The following LMNTD1 variants were observed in gnomAD, a reference collection of about 807,000 sequenced individuals.
LMNTD1 encodes the protein lamin tail domain-containing protein 1.
LMNTD1 carries 35 observed loss-of-function variants against 50.9 expected under a neutral mutation model. The ratio of observed to expected loss-of-function variants is 0.69; its 90% CI spans 0.53 to 0.91. LMNTD1 has a LOEUF of 0.91. Among genes scored for constraint, LMNTD1 ranks in the 40% least tolerant of loss-of-function variants. The probability of loss-of-function intolerance (pLI) is 0.00; values close to 1 mark genes in which losing one functional copy is unlikely to be tolerated. For missense variants in LMNTD1, 470 were observed against 475.5 expected, an observed-to-expected ratio of 0.99 and a Z score of 0.11; for synonymous variants, 153 against 161.9, an observed-to-expected ratio of 0.94 and a Z score of 0.42.
chr12:25,484,036 G>A (rs1271512036), intron 9 of LMNTD1, among the ~76,000 whole-genome samples: 1 of 151,820 alleles, frequency 6.6e-6, no homozygotes, highest in Admixed American at 6.6e-5. Context: ...AAAAAAACAA[G>A]TGTATTTAAG....
intron 9 of LMNTD1, among the ~76,000 whole-genome samples, chr12:25,478,652 G>A (rs7296378): frequency 6.6e-6 from 1 of 152,128 alleles, no homozygotes; most frequent in Non-Finnish European, 1.5e-5. Flanking sequence ...CGGTGTGTTC[G>A]TGGGTACCGT....
intron 4 of LMNTD1, among the ~76,000 whole-genome samples, chr12:25,536,574 T>C (rs1043964312): frequency 1.1e-4 from 16 of 152,174 alleles, no homozygotes; most frequent in African/African-American, 3.9e-4. Context: ...ATTTGTGGGA[T>C]GCCACTAAGC....
intron 1 of LMNTD1, among the ~76,000 whole-genome samples, chr12:25,615,876 T>C (rs1173197833): frequency 6.6e-6 from 1 of 152,208 alleles, no homozygotes; most frequent in Non-Finnish European, 1.5e-5. Context: ...AATAAATTAT[T>C]CTTTATTTCA....
At chr12:25,525,618 C>T (rs1351172651) in intron 6 of LMNTD1, among the ~76,000 whole-genome samples, 1 of 152,070 alleles carries the variant, frequency 6.6e-6, no homozygotes, top group Admixed American at 6.6e-5. Flanking sequence ...GGCCCTTTGA[C>T]ATTGGGAAGA....
At chr12:25,589,534 A>G (rs1817297248) in intron 1 of LMNTD1, among the ~76,000 whole-genome samples, 1 of 152,160 alleles carries the variant, frequency 6.6e-6, no homozygotes, top group South Asian at 2.1e-4. Context: ...TTGTTTCTTA[A>G]GCTGGGTGGT....
At chr12:25,611,605 G>A (rs1946245054) in intron 1 of LMNTD1, among the ~76,000 whole-genome samples, 1 of 152,146 alleles carries the variant, frequency 6.6e-6, no homozygotes, top group Non-Finnish European at 1.5e-5. Context: ...TTGCCTTAAA[G>A]AACAAAAACA....
At chr12:25,556,644 G>T (rs77048040), upstream of LMNTD1, among the ~76,000 whole-genome samples, 2 of 152,136 alleles carry the variant, frequency 1.3e-5, no homozygotes, top group Non-Finnish European at 2.9e-5. Flanking sequence ...GAAAGTACGA[G>T]AATTTTGCTG....
intron 1 of LMNTD1, among the ~76,000 whole-genome samples, chr12:25,579,053 G>A (rs970820956): frequency 6.6e-6 from 1 of 152,056 alleles, no homozygotes; most frequent in Admixed American, 6.6e-5. Context: ...CCTAATCCAT[G>A]TTATTTTCAA....
chr12:25,594,651 C>CAAAAAAAAAAAAAAAAA (rs61299586), intron 1 of LMNTD1, among the ~76,000 whole-genome samples: 67 of 69,894 alleles, frequency 9.6e-4, no homozygotes, highest in East Asian at 2.1e-3. Context: ...AACAGAAATA[C>CAAAAAAAAAAAAAAAAA]AAAAAAAAAA....
intron 1 of LMNTD1, among the ~76,000 whole-genome samples, chr12:25,561,136 A>C (rs1214280387): frequency 6.6e-6 from 1 of 151,804 alleles, no homozygotes; most frequent in African/African-American, 2.4e-5. Context: ...TTGTGTCTCT[A>C]TCTCCTTCAG....
intron 8 of LMNTD1, among the ~76,000 whole-genome samples, chr12:25,508,447 G>C (rs934303581): frequency 2.5e-4 from 38 of 152,002 alleles, no homozygotes; most frequent in African/African-American, 8.0e-4. Context: ...TGATATTATT[G>C]CATGTAGCAG....
intron 1 of LMNTD1, among the ~76,000 whole-genome samples, chr12:25,570,654 G>A (rs1944751400): frequency 6.6e-6 from 1 of 152,124 alleles, no homozygotes; most frequent in African/African-American, 2.4e-5. Flanking sequence ...ACCAGACTGT[G>A]GAGAGCCTTG....
intron 1 of LMNTD1, among the ~76,000 whole-genome samples, chr12:25,602,843 T>C (rs1946009835): frequency 6.6e-6 from 1 of 152,072 alleles, no homozygotes; most frequent in African/African-American, 2.4e-5. Context: ...AGGCTTATTT[T>C]TCAATGTTAG....
At chr12:25,527,877 T>A (rs1443168793) in intron 4 of LMNTD1, among the ~76,000 whole-genome samples, 2 of 151,518 alleles carry the variant, frequency 1.3e-5, no homozygotes, top group African/African-American at 2.4e-5. Context: ...AAAACATATT[T>A]GAAGCAAAGC....
intron 9 of LMNTD1, among the ~76,000 whole-genome samples, chr12:25,477,987 T>C (rs943661881): frequency 3.9e-5 from 6 of 152,112 alleles, no homozygotes; most frequent in African/African-American, 1.4e-4. Context: ...GATAAAGATG[T>C]AGGCTGGAAG....
intron 9 of LMNTD1, among the ~76,000 whole-genome samples, chr12:25,502,127 C>A (rs534779154): frequency 6.6e-6 from 1 of 152,008 alleles, no homozygotes; most frequent in African/African-American, 2.4e-5. Flanking sequence ...AAAATAATAA[C>A]CGAGGAAGAT....
intron 8 of LMNTD1, among the ~76,000 whole-genome samples, chr12:25,512,327 C>T (rs1487895816): frequency 6.6e-6 from 1 of 152,068 alleles, no homozygotes; most frequent in East Asian, 1.9e-4. Flanking sequence ...GAAAAAATAT[C>T]CCTAGTTCAT....
intron 4 of LMNTD1, among the ~76,000 whole-genome samples, chr12:25,537,113 G>C (rs1323527376): frequency 1.3e-5 from 2 of 152,272 alleles, no homozygotes; most frequent in East Asian, 1.9e-4. Context: ...GCACAGCAGT[G>C]TGAGATCAAA....
chr12:25,527,624 C>G (rs73076321), intron 4 of LMNTD1, among the ~76,000 whole-genome samples: 21,389 of 122,528 alleles, frequency 0.17, 2,120 homozygotes, highest in East Asian at 0.23. Flanking sequence ...ACTTATATGC[C>G]AGGCACTTAA....
Sources: allele counts gnomAD v4.1 joint callset (sites outside exome capture counted in the v4.1 genomes callset), GRCh38; gene constraint gnomAD v4.1.1; transcripts MANE v1.5; gene names NCBI Gene and HGNC (gene_info 2026-07-23, HGNC 2026-07-21).